Variants in C1QTNF3 observed in about 807,000 individuals in gnomAD.
C1QTNF3 encodes the protein C1q and TNF related 3, also known as complement C1q tumor necrosis factor-related protein 3.
C1QTNF3 carries 26 observed loss-of-function variants against 32.6 expected under a neutral mutation model. The observed-to-expected ratio is 0.80, with a 90% confidence interval of 0.58 to 1.11. The LOEUF (loss-of-function observed/expected upper bound fraction) is 1.11, where lower values mean the gene tolerates loss of function less well. Among genes scored for constraint, C1QTNF3 ranks in the 50% least tolerant of loss-of-function variants. The pLI, the probability that C1QTNF3 is intolerant of heterozygous loss-of-function variation, is 0.00. For synonymous variants in C1QTNF3, 155 were observed against 146.0 expected, an observed-to-expected ratio of 1.06 and a Z score of -0.44; for missense variants, 362 against 398.2, an observed-to-expected ratio of 0.91 and a Z score of 0.77.
At chr5:34,049,780 C>A in the C1QTNF3 span, among the ~76,000 whole-genome samples, 17 of 152,336 alleles carry the variant, frequency 1.1e-4, no homozygotes, top group African/African-American at 3.8e-4. Context: ...AGTTTAAAGG[C>A]AGTCTGGAGG....
At chr5:34,210,007 G>C in the C1QTNF3 span, among the ~76,000 whole-genome samples, 1 of 152,044 alleles carries the variant, frequency 6.6e-6, no homozygotes, top group Admixed American at 6.6e-5. Flanking sequence ...TCTAATATTA[G>C]ATGAAAAGTT....
the C1QTNF3 span, among the ~76,000 whole-genome samples, chr5:34,051,707 TTTCCTGATTTC>T: frequency 1.3e-5 from 2 of 152,332 alleles, no homozygotes; most frequent in African/African-American, 4.8e-5. Flanking sequence ...CTGGGAGGCC[TTTCCTGATTTC>T]TCACAACAGA....
At chr5:34,036,297 T>C (rs1212450046) in intron 1 of C1QTNF3, among the ~76,000 whole-genome samples, 1 of 152,238 alleles carries the variant, frequency 6.6e-6, no homozygotes, top group Non-Finnish European at 1.5e-5. Flanking sequence ...CATAGCACAC[T>C]TAAATTGTCT....
the C1QTNF3 span, among the ~76,000 whole-genome samples, chr5:34,223,141 A>G: frequency 1.4e-5 from 2 of 147,586 alleles, no homozygotes; most frequent in Non-Finnish European, 3.0e-5. Flanking sequence ...TTAGCATTAG[A>G]TATATCTCCT....
chr5:34,085,539 T>A, the C1QTNF3 span, among the ~76,000 whole-genome samples: 1 of 151,626 alleles, frequency 6.6e-6, no homozygotes, highest in Admixed American at 6.6e-5. Flanking sequence ...ACCAGTACCA[T>A]GCTGTTTTGG....
At chr5:34,208,861 C>T in the C1QTNF3 span, among the ~76,000 whole-genome samples, 33 of 152,258 alleles carry the variant, frequency 2.2e-4, no homozygotes, top group East Asian at 6.2e-3. Context: ...TTAACATACA[C>T]AGCCTAACAT....
chr5:34,036,140 C>T (rs973060688), intron 1 of C1QTNF3, among the ~76,000 whole-genome samples: 13 of 152,170 alleles, frequency 8.5e-5, no homozygotes, highest in African/African-American at 3.1e-4. Flanking sequence ...CCAGATGTAG[C>T]TAAATTGAGT....
chr5:34,031,537 A>AAT (rs1754612837), intron 3 of C1QTNF3, among the ~76,000 whole-genome samples: 1 of 152,202 alleles, frequency 6.6e-6, no homozygotes, highest in African/African-American at 2.4e-5. Context: ...TGCTGAAATT[A>AAT]TTAAACAGCA....
the C1QTNF3 span, among the ~76,000 whole-genome samples, chr5:34,133,299 C>G: frequency 2.4e-4 from 36 of 152,124 alleles, 2 homozygotes. Context: ...CTTTATAGGT[C>G]ATGATATCTC....
chr5:34,144,096 C>G, the C1QTNF3 span, among the ~76,000 whole-genome samples: 1 of 150,464 alleles, frequency 6.6e-6, no homozygotes, highest in South Asian at 2.1e-4. Context: ...AGCAAAAGGA[C>G]GACAAAAAAA....
the C1QTNF3 span, among the ~76,000 whole-genome samples, chr5:34,068,128 T>A: frequency 6.6e-6 from 1 of 152,190 alleles, no homozygotes; most frequent in Admixed American, 6.5e-5. Context: ...TGCTATGAAC[T>A]GCCAGATGCT....
chr5:34,030,479 C>T (rs570792241), intron 3 of C1QTNF3, among the ~76,000 whole-genome samples: 77 of 152,226 alleles, frequency 5.1e-4, no homozygotes, highest in African/African-American at 1.8e-3. Context: ...TTCTATATCC[C>T]CTAAGTGGAG....
chr5:34,072,369 A>G, the C1QTNF3 span, among the ~76,000 whole-genome samples: 9,001 of 66,718 alleles, frequency 0.13, 259 homozygotes, highest in Non-Finnish European at 0.17. Flanking sequence ...TTAAAAAAGA[A>G]AGAGAAAGAA....
rs1331175320 is a variant in C1QTNF3 at position 34,019,845 on chromosome 5, A to G, written c.*738T>C. 1.3e-5 allele frequency: 2 copies of G among 152,234 alleles called. No homozygotes were observed. Among genetic ancestry groups the G allele is most frequent in the African/African-American group, 4.8e-5 (2 of 41,458 alleles). 9.4% of individuals were successfully genotyped at this position (152,234 alleles called of 1,614,324 possible). A position where few individuals can be genotyped will look rare whatever the true frequency, so the allele number is the denominator to read the frequency against. On this transcript the variant is annotated 3_prime_UTR_variant, in exon 6 of 6. Coordinates refer to ENST00000382065, the MANE Select transcript of C1QTNF3 (RefSeq NM_181435.6). ...TATAAAATCCCTCTGGTCAACATGC[A>G]ACATTTGAATATCTATTGGCACTGT... is the stretch of plus-strand genomic sequence containing the variant.
At chr5:34,224,640 C>T in the C1QTNF3 span, among the ~76,000 whole-genome samples, 14 of 152,260 alleles carry the variant, frequency 9.2e-5, no homozygotes, top group Admixed American at 7.2e-4. Flanking sequence ...ACACCTTATA[C>T]AAAAATTAAT....
At chr5:34,052,855 A>G in the C1QTNF3 span, among the ~76,000 whole-genome samples, 1 of 152,202 alleles carries the variant, frequency 6.6e-6, no homozygotes, top group Non-Finnish European at 1.5e-5. Flanking sequence ...ATAGGATTTG[A>G]GTCATTAAAC....
Position 34,019,250 on chromosome 5 carries a change from T to C in C1QTNF3, c.*1333A>G, listed in dbSNP as rs1266464983. On this transcript the variant is annotated 3_prime_UTR_variant, in exon 6 of 6. Coordinates refer to ENST00000382065, the MANE Select transcript of C1QTNF3 (RefSeq NM_181435.6). ...TTTGGGACACTTGTGAAATCAGTCT[T>C]CCAAGTATATTTCTGGTCATGGGTA... Among the ~76,000 whole-genome samples, 1 of 152,236 alleles carries C rather than the reference T, an allele frequency of 6.6e-6. No individual in the cohort carries two copies. Among genetic ancestry groups the C allele is most frequent in the Non-Finnish European group, 1.5e-5 (1 of 68,040 alleles).
At chr5:34,159,033 C>G in the C1QTNF3 span, among the ~76,000 whole-genome samples, 1 of 152,004 alleles carries the variant, frequency 6.6e-6, no homozygotes, top group South Asian at 2.1e-4. Context: ...TTATCAGTCG[C>G]ATTTTCACAT....
At chr5:34,022,802 A>G (rs573883358) in intron 5 of C1QTNF3, among the ~76,000 whole-genome samples, 1 of 152,180 alleles carries the variant, frequency 6.6e-6, no homozygotes, top group Non-Finnish European at 1.5e-5. Flanking sequence ...GGCAATGACA[A>G]TGACCAGAGA....
Sources: allele counts gnomAD v4.1 joint callset (sites outside exome capture counted in the v4.1 genomes callset), GRCh38; gene constraint gnomAD v4.1.1; transcripts MANE v1.5; gene names NCBI Gene and HGNC (gene_info 2026-07-23, HGNC 2026-07-21).